MRE11: variants seen among roughly 807,000 people sequenced by gnomAD.
MRE11 encodes MRE11 double strand break repair nuclease.
In MRE11, 62 loss-of-function variants were observed where a neutral mutation model predicts 91.7. The ratio of observed to expected loss-of-function variants is 0.68; its 90% CI spans 0.55 to 0.84. MRE11 has a LOEUF of 0.84. Among genes scored for constraint, MRE11 ranks in the 40% least tolerant of loss-of-function variants. The probability of loss-of-function intolerance (pLI) is 0.00; values close to 1 mark genes in which losing one functional copy is unlikely to be tolerated. For missense variants in MRE11, 796 were observed against 852.9 expected, an observed-to-expected ratio of 0.93 and a Z score of 0.83; for synonymous variants, 273 against 271.4, an observed-to-expected ratio of 1.01 and a Z score of -0.06.
the MRE11 span, among the ~76,000 whole-genome samples, chr11:94,511,242 G>A: frequency 2.0e-5 from 3 of 152,252 alleles, no homozygotes; most frequent in South Asian, 2.1e-4. Flanking sequence ...AAGAGAGAGC[G>A]ATCTCCTGCT....
intron 14 of MRE11, among the ~76,000 whole-genome samples, chr11:94,449,723 C>G (rs1431249110): frequency 6.6e-6 from 1 of 152,184 alleles, no homozygotes; most frequent in Non-Finnish European, 1.5e-5. Flanking sequence ...TACTACAAAC[C>G]CAGACTATAG....
At chr11:94,509,905 G>A in the MRE11 span, among the ~76,000 whole-genome samples, 4 of 151,946 alleles carry the variant, frequency 2.6e-5, no homozygotes, top group African/African-American at 9.7e-5. Flanking sequence ...TTTTTAACAC[G>A]CTACATTTGG....
chr11:94,451,209 A>T (rs1466209638), intron 14 of MRE11, among the ~76,000 whole-genome samples: 1 of 152,168 alleles, frequency 6.6e-6, no homozygotes, highest in Non-Finnish European at 1.5e-5. Context: ...GAAGAATGGG[A>T]GGGAAGACCC....
chr11:94,489,505 T>C (rs1208655593), intron 3 of MRE11, among the ~76,000 whole-genome samples: 1 of 152,188 alleles, frequency 6.6e-6, no homozygotes, highest in African/African-American at 2.4e-5. Flanking sequence ...TTGGCTGCTA[T>C]GCTGAGTAGA....
intron 14 of MRE11, among the ~76,000 whole-genome samples, chr11:94,449,922 A>G (rs1049592203): frequency 2.0e-5 from 3 of 152,178 alleles, no homozygotes; most frequent in African/African-American, 7.2e-5. Context: ...CATCGATCAA[A>G]ATGTTGTATG....
At chr11:94,456,213 T>C in intron 14 of MRE11, 63 bp downstream of exon 14, 1 of 1,479,528 alleles carries the variant, frequency 6.8e-7, no homozygotes, top group Non-Finnish European at 9.4e-7. Flanking sequence ...TAACTAAACC[T>C]ACTGGTTATT....
rs1324187084 is a variant in MRE11, at chr11:94,418,411, T to C, written c.*1714A>G. Reference sequence around the variant, plus strand: ...TTTTTTTTTAAGGAAAAAAACTTTATTCCTTTTTTCCTAGGAACTTGTCAG... The same window carrying C: ...TTTTTTTTTAAGGAAAAAAACTTTACTCCTTTTTTCCTAGGAACTTGTCAG... On this transcript the variant is annotated 3_prime_UTR_variant, in exon 20 of 20. Coordinates refer to ENST00000323929, the MANE Select transcript of MRE11 (RefSeq NM_005591.4). 5 of 232,234 alleles carry C rather than the reference T, an allele frequency of 2.2e-5. No individual in the cohort carries two copies. Among genetic ancestry groups the C allele is most frequent in the Non-Finnish European group, 4.3e-5 (5 of 117,520 alleles). The allele number at this position is 232,234 out of a possible 1,614,324, so 14.4% of individuals were successfully genotyped here.
At position 94,447,221 on chromosome 11, in the gene MRE11, C is replaced by T. The variant is rs1555005264; in HGVS notation, c.1781G>A (p.Arg594Lys). ...SASRGGSQRG[R>K]ADTGLETSTR... Reference sequence around the variant, plus strand: ...ACAGGACTGAACTCAGTGCTCACCTCTTCCTCTTTGAGACCCTCCTCTCGA... The same window carrying T: ...ACAGGACTGAACTCAGTGCTCACCTTTTCCTCTTTGAGACCCTCCTCTCGA... The change falls in exon 15 of 20, where the codon AGA becomes AAA. Residue 594 changes from arginine to lysine, a missense_variant and splice_region_variant. Physicochemically the swap from Arg to Lys is conservative, Grantham distance 26 (BLOSUM62 2). Coordinates refer to ENST00000323929, the MANE Select transcript of MRE11 (RefSeq NM_005591.4). The T allele has an allele frequency of 1.2e-6, 2 of 1,612,360 alleles. No individual in the cohort carries two copies. Among genetic ancestry groups the T allele is most frequent in the Admixed American group, 3.3e-5 (2 of 60,030 alleles).
intron 18 of MRE11, among the ~76,000 whole-genome samples, chr11:94,433,430 C>T (rs1264832074): frequency 1.3e-5 from 2 of 152,208 alleles, no homozygotes; most frequent in Non-Finnish European, 2.9e-5. Flanking sequence ...CCTCCTTTTC[C>T]ACCACACATT....
intron 10 of MRE11, among the ~76,000 whole-genome samples, chr11:94,465,687 T>C (rs1946543888): frequency 1.3e-5 from 2 of 152,098 alleles, no homozygotes; most frequent in South Asian, 4.1e-4. Flanking sequence ...TGAGCCACCA[T>C]GCCCAGCCTT....
chr11:94,454,227 C>G (rs751424483), intron 14 of MRE11, among the ~76,000 whole-genome samples: 1 of 152,062 alleles, frequency 6.6e-6, no homozygotes, highest in Non-Finnish European at 1.5e-5. Context: ...GTGGGAGCTA[C>G]CATGCCTGGC....
intron 10 of MRE11, among the ~76,000 whole-genome samples, chr11:94,464,542 C>T (rs986503241): frequency 4.6e-5 from 7 of 152,260 alleles, no homozygotes; most frequent in African/African-American, 1.7e-4. Flanking sequence ...ACCTACCAAG[C>T]AAACCATCTG....
intron 19 of MRE11, among the ~76,000 whole-genome samples, chr11:94,428,152 C>G (rs893868701): frequency 3.3e-5 from 5 of 152,134 alleles, no homozygotes; most frequent in African/African-American, 4.8e-5. Context: ...TATTATAAGG[C>G]TACAGTAACC....
intron 16 of MRE11, among the ~76,000 whole-genome samples, chr11:94,440,422 C>T (rs1461604959): frequency 8.0e-6 from 1 of 124,994 alleles, no homozygotes; most frequent in Non-Finnish European, 1.7e-5. Flanking sequence ...ATTAGTACCT[C>T]AAACATTTAA....
intron 13 of MRE11, among the ~76,000 whole-genome samples, chr11:94,457,672 T>C (rs1946288664): frequency 6.6e-6 from 1 of 152,060 alleles, no homozygotes; most frequent in African/African-American, 2.4e-5. Context: ...TTTACATGGA[T>C]TAATTCTTCT....
intron 7 of MRE11, among the ~76,000 whole-genome samples, chr11:94,472,503 GCTT>G (rs1946743980): frequency 6.6e-6 from 1 of 152,020 alleles, no homozygotes; most frequent in Non-Finnish European, 1.5e-5. Flanking sequence ...GATGTCCCAG[GCTT>G]CTTCTAGATA....
At chr11:94,485,720 C>T (rs1213026835) in intron 4 of MRE11, among the ~76,000 whole-genome samples, 1 of 151,688 alleles carries the variant, frequency 6.6e-6, no homozygotes, top group Non-Finnish European at 1.5e-5. Flanking sequence ...AATCCTCCCA[C>T]CTCAGCTTCC....
intron 13 of MRE11, among the ~76,000 whole-genome samples, chr11:94,457,149 A>C (rs1202567352): frequency 6.6e-6 from 1 of 152,222 alleles, no homozygotes; most frequent in Non-Finnish European, 1.5e-5. Flanking sequence ...GCAGCCAGTG[A>C]GGCAGGAAGA....
At chr11:94,425,012 A>G (rs962346082) in intron 19 of MRE11, among the ~76,000 whole-genome samples, 5 of 152,138 alleles carry the variant, frequency 3.3e-5, no homozygotes, top group Non-Finnish European at 7.4e-5. Context: ...CCTATCAGAC[A>G]TTATATAAGA....
Sources: allele counts gnomAD v4.1 joint callset (sites outside exome capture counted in the v4.1 genomes callset), GRCh38; gene constraint gnomAD v4.1.1; transcripts MANE v1.5; gene names NCBI Gene and HGNC (gene_info 2026-07-23, HGNC 2026-07-21).